The following ATAD2 variants were observed in gnomAD, a reference collection of about 807,000 sequenced individuals.
ATAD2 encodes the protein ATPase family AAA domain-containing protein 2.
ATAD2 carries 62 observed loss-of-function variants against 168.9 expected under a neutral mutation model. That is an observed-to-expected ratio of 0.37 (90% CI 0.30 to 0.45). The LOEUF (loss-of-function observed/expected upper bound fraction) is 0.45, where lower values mean the gene tolerates loss of function less well. Among genes scored for constraint, ATAD2 ranks in the 20% least tolerant of loss-of-function variants. The pLI is 1.00. For synonymous variants in ATAD2, 613 were observed against 571.6 expected (o/e 1.07, Z -1.03); for missense variants, 1,419 against 1,667.8 (o/e 0.85, Z 2.60).
chr8:123,346,124 C>CA lies in ATAD2; in HGVS notation c.2493dup (p.Gly832TrpfsTer3). 1 of 1,591,500 alleles carries CA rather than the reference C, an allele frequency of 6.3e-7. No homozygotes were observed. Among genetic ancestry groups the CA allele is most frequent in the South Asian group, 1.1e-5 (1 of 86,958 alleles). On this transcript the variant is annotated frameshift_variant, in exon 18 of 28. Coordinates refer to ENST00000287394, the MANE Select transcript of ATAD2 (RefSeq NM_014109.4). LOFTEE classifies it high-confidence loss of function. Reference sequence around the variant, plus strand: ...TCTTCAGGGGATGTAGTACTAACTCCAAAAAGAACAGGAATGTCTAATGTA... The same window carrying CA: ...TCTTCAGGGGATGTAGTACTAACTCCAAAAAAGAACAGGAATGTCTAATGTA...
At chr8:123,363,403 A>G (rs1028142462) in intron 8 of ATAD2, among the ~76,000 whole-genome samples, 2 of 152,198 alleles carry the variant, frequency 1.3e-5, no homozygotes, top group Admixed American at 6.5e-5. Context: ...GCCACACTAC[A>G]TATGTTGTGT....
intron 27 of ATAD2, 96 bp from the exon 28 acceptor site, chr8:123,321,271 T>C: frequency 1.9e-6 from 2 of 1,059,800 alleles, no homozygotes; most frequent in Non-Finnish European, 2.8e-6. Flanking sequence ...CTTAAGAATA[T>C]TAATATTCAG....
At chr8:123,325,122 G>A (rs182674891) in intron 26 of ATAD2, among the ~76,000 whole-genome samples, 3 of 121,154 alleles carry the variant, frequency 2.5e-5, no homozygotes, top group Non-Finnish European at 3.3e-5. Flanking sequence ...TTTTTTTGGA[G>A]ACAGAGTTTT....
chr8:123,396,581 G>A, upstream of ATAD2: 1 of 553,360 alleles, frequency 1.8e-6, no homozygotes, highest in Non-Finnish European at 3.2e-6. Flanking sequence ...AGGAGGCCGG[G>A]CCAACGTGGA....
intron 8 of ATAD2, among the ~76,000 whole-genome samples, chr8:123,367,847 T>C (rs1192643626): frequency 1.3e-5 from 2 of 152,232 alleles, no homozygotes; most frequent in African/African-American, 2.4e-5. Context: ...TTTTTATTTT[T>C]CCTGAAAGAA....
chr8:123,393,771 G>A (rs910456314), intron 1 of ATAD2, among the ~76,000 whole-genome samples: 12 of 152,058 alleles, frequency 7.9e-5, no homozygotes, highest in African/African-American at 2.9e-4. Flanking sequence ...ACAAAAATTA[G>A]GTAGGCGTGG....
chr8:123,396,388 A>G lies in ATAD2; in HGVS notation c.-31T>C. The G allele has an allele frequency of 6.5e-7, 1 of 1,531,896 alleles. No individual in the cohort carries two copies. Among genetic ancestry groups the G allele is most frequent in the Non-Finnish European group, 8.8e-7 (1 of 1,140,778 alleles). The allele number at this position is 1,531,896 out of a possible 1,614,324, so 94.9% of individuals were successfully genotyped here. A position where few individuals can be genotyped will look rare whatever the true frequency, so the allele number is the denominator to read the frequency against. The stretch of plus-strand genomic sequence containing the variant: ...CTCCCTACTGGCCTCGGCGTGCGCG[A>G]CCGGAGAGAGATCCAGCTCCAGGCG... On this transcript the variant is annotated 5_prime_UTR_variant, in exon 1 of 28. Coordinates refer to ENST00000287394, the MANE Select transcript of ATAD2 (RefSeq NM_014109.4).
At chr8:123,375,161 T>C (rs1829268426) in intron 2 of ATAD2, among the ~76,000 whole-genome samples, 3 of 152,224 alleles carry the variant, frequency 2.0e-5, no homozygotes, top group Non-Finnish European at 4.4e-5. Context: ...ACACTGATGT[T>C]ACCATTACGT....
chr8:123,341,435 T>C (rs189427249), intron 19 of ATAD2, among the ~76,000 whole-genome samples: 79 of 152,328 alleles, frequency 5.2e-4, no homozygotes, highest in African/African-American at 1.8e-3. Context: ...ACAGTTTCAG[T>C]TGATAGAATA....
intron 24 of ATAD2, among the ~76,000 whole-genome samples, chr8:123,330,415 A>G (rs1446931252): frequency 9.9e-5 from 15 of 151,830 alleles, no homozygotes; most frequent in Admixed American, 9.8e-4. Context: ...CCCAGGCTGG[A>G]GTGCTGTCAC....
At position 123,369,169 on chromosome 8, in the gene ATAD2, C is replaced by A; in HGVS notation, c.938G>T (p.Arg313Leu). The A allele has an allele frequency of 6.8e-7, 1 of 1,481,078 alleles. No individual in the cohort carries two copies. Among genetic ancestry groups the A allele is most frequent in the Non-Finnish European group, 9.1e-7 (1 of 1,100,064 alleles). The allele number at this position is 1,481,078 out of a possible 1,614,324, so 91.7% of individuals were successfully genotyped here. ...VYYQAPLEKP[R>L]HQRKPNIFYS... ...AAATATGTTGGGCTTTCTCTGGTGA[C>A]GAGGTTCTAAAAAAAAGAAATATAT... Residue 313 changes from arginine to leucine, a missense_variant, in exon 8 of 28, where the codon CGT (arginine) becomes CTT (leucine). Coordinates refer to ENST00000287394, the MANE Select transcript of ATAD2 (RefSeq NM_014109.4).
Position 123,336,543 on chromosome 8 carries a change from A to G in ATAD2, c.3052-11T>C. On this transcript the variant is annotated splice_polypyrimidine_tract_variant and intron_variant, in intron 21 of 27. Transcript: ENST00000287394. ...GACATAATCAGGAACCTAAAATTCA[A>G]GCAAATGATCAAATCACAAAATTAA... The G allele has an allele frequency of 6.7e-7, 1 of 1,493,894 alleles. No individual in the cohort carries two copies. 92.5% of individuals were successfully genotyped at this position (1,493,894 alleles called of 1,614,324 possible).
intron 1 of ATAD2, among the ~76,000 whole-genome samples, chr8:123,383,873 A>T (rs937612577): frequency 3.9e-5 from 6 of 152,034 alleles, no homozygotes; most frequent in Non-Finnish European, 8.8e-5. Context: ...CATGAGGTCA[A>T]GAGATAGAGA....
At chr8:123,344,343 A>C (rs1052573895) in intron 19 of ATAD2, among the ~76,000 whole-genome samples, 3 of 145,890 alleles carry the variant, frequency 2.1e-5, no homozygotes, top group Non-Finnish European at 3.0e-5. Context: ...TTTTTTAAAT[A>C]CTTTTTTTTT....
intron 1 of ATAD2, among the ~76,000 whole-genome samples, chr8:123,415,244 G>C (rs1159437342): frequency 6.6e-6 from 1 of 152,146 alleles, no homozygotes; most frequent in Non-Finnish European, 1.5e-5. Flanking sequence ...ATCCCTTCTA[G>C]CTTATAGGGT....
At chr8:123,334,406 T>C (rs1827858820) in intron 22 of ATAD2, 84 bp from the exon 23 acceptor site, 3 of 1,228,954 alleles carry the variant, frequency 2.4e-6, no homozygotes, top group Non-Finnish European at 3.3e-6. Flanking sequence ...TAGGCTAAGA[T>C]AGTAGCTCTT....
In ATAD2 at chr8:123,329,781, C is replaced by T. The variant is rs973655575; in HGVS notation, c.3479-1202G>A. Among the ~76,000 whole-genome samples, 12 of 109,388 alleles carry T rather than the reference C, an allele frequency of 1.1e-4. 1 individual carries two copies. The highest frequency in any genetic ancestry group is 2.0e-4 in the Admixed American group (2 of 10,086). The allele number at this position is 109,388 out of a possible 152,430, so 71.8% of individuals were successfully genotyped here. ...AAAAAAAAAAAAAAAAAAAATTTTT[C>T]ACTTTAACCCAATGAAGTTTGCTAC... On this transcript the variant is annotated intron_variant, in intron 24 of 27. Coordinates refer to ENST00000287394, the MANE Select transcript of ATAD2 (RefSeq NM_014109.4).
Position 123,402,815 on chromosome 8 carries a change from C to CAAT in ATAD2, c.-2281-1643_-2281-1641dup, listed in dbSNP as rs59837172. 6.1e-3 allele frequency among the ~76,000 whole-genome samples: 314 copies of CAAT among 51,724 alleles called. 2 individuals are homozygous for CAAT. The highest frequency in any genetic ancestry group is 0.017 in the African/African-American group (169 of 9,750). 33.9% of individuals were successfully genotyped at this position (51,724 alleles called of 152,430 possible). A position where few individuals can be genotyped will look rare whatever the true frequency, so the allele number is the denominator to read the frequency against. ...GAATAAATCAAGCAGGTCTCAATGC[C>CAAT]AATAATAATAATAATAATAATAATA... On this transcript the variant is annotated intron_variant, in intron 1 of 28. Coordinates refer to the ATAD2 transcript ENST00000521903. The surrounding 1 kb of genome is among the most constrained non-coding windows in gnomAD (Gnocchi z 4.8).
chr8:123,380,429 A>T, intron 2 of ATAD2, 100 bp downstream of exon 2: 2 of 1,223,374 alleles, frequency 1.6e-6, no homozygotes, highest in East Asian at 4.7e-5. Flanking sequence ...TAGCCCTAGA[A>T]CCTTGATGAC....
Sources: allele counts gnomAD v4.1 joint callset (sites outside exome capture counted in the v4.1 genomes callset), GRCh38; gene constraint gnomAD v4.1.1; non-coding constraint Gnocchi (gnomAD v3.1); transcripts MANE v1.5; gene names NCBI Gene and HGNC (gene_info 2026-07-23, HGNC 2026-07-21).